Variants in ACTR3C observed in about 807,000 individuals in gnomAD.
The protein encoded by ACTR3C is actin related protein 3C, also known as actin-related protein 3C.
ACTR3C carries 18 observed loss-of-function variants against 26.3 expected under a neutral mutation model. The observed-to-expected ratio is 0.68, with a 90% CI of 0.47 to 1.01. The LOEUF (loss-of-function observed/expected upper bound fraction) is 1.01. Ranked by LOEUF, ACTR3C falls within the 50% of genes least tolerant of loss-of-function variation. The pLI, the probability that ACTR3C is intolerant of heterozygous loss-of-function variation, is 0.00. For synonymous variants in ACTR3C, 55 were observed against 94.5 expected (o/e 0.58, Z 2.42); for missense variants, 184 against 250.7 (o/e 0.73, Z 1.80).
the ACTR3C span, among the ~76,000 whole-genome samples, chr7:150,162,192 T>G: frequency 1.3e-5 from 2 of 152,352 alleles, no homozygotes; most frequent in African/African-American, 4.8e-5. Context: ...TGTTTCTGCA[T>G]TCCTGAAATG....
rs1206215825 is a variant in ACTR3C at position 150,295,129 on chromosome 7, G to A, written c.45+123C>T. The A allele has an allele frequency of 3.4e-6, 4 of 1,169,276 alleles. No individual in the cohort carries two copies. The Admixed American group carries it at 9.5e-5, about 28-fold the overall frequency. The allele number at this position is 1,169,276 out of a possible 1,614,324, so 72.4% of individuals were successfully genotyped here. On this transcript the variant is annotated intron_variant, in intron 2 of 7. Transcript: ENST00000683684. ...AGTCCTGAATGGCATGGGGACGGGG[G>A]AGGGAGTGGAAAAAGGAAGGGCACA...
At chr7:149,887,306 T>C in the ACTR3C span, among the ~76,000 whole-genome samples, 2 of 152,204 alleles carry the variant, frequency 1.3e-5, no homozygotes, top group African/African-American at 4.8e-5. Context: ...TAAAAGACTT[T>C]TGAGCATGAA....
At chr7:150,143,056 T>G in the ACTR3C span, among the ~76,000 whole-genome samples, 1 of 152,100 alleles carries the variant, frequency 6.6e-6, no homozygotes, top group African/African-American at 2.4e-5. Flanking sequence ...GGTCTCGAAC[T>G]CCTGTCCTCA....
the ACTR3C span, among the ~76,000 whole-genome samples, chr7:150,224,490 C>T: frequency 6.6e-6 from 1 of 152,146 alleles, no homozygotes; most frequent in African/African-American, 2.4e-5. Context: ...GATAGTTTCT[C>T]ACATGTATTC....
the ACTR3C span, among the ~76,000 whole-genome samples, chr7:150,048,697 T>A: frequency 1.0e-3 from 153 of 152,150 alleles, 3 homozygotes; most frequent in South Asian, 0.031. Context: ...CCAGCTCTTC[T>A]TGCCTAACTT....
the ACTR3C span, among the ~76,000 whole-genome samples, chr7:150,060,035 A>T: frequency 6.6e-6 from 1 of 152,236 alleles, no homozygotes; most frequent in Non-Finnish European, 1.5e-5. Flanking sequence ...TAACAAAATA[A>T]ATTATCCTTC....
the ACTR3C span, among the ~76,000 whole-genome samples, chr7:149,931,133 T>C: frequency 0.02 from 3,084 of 151,254 alleles, no homozygotes; most frequent in Non-Finnish European, 0.031. Flanking sequence ...CCCAAATTGC[T>C]GGGATTATAG....
chr7:150,189,543 T>C, the ACTR3C span, among the ~76,000 whole-genome samples: 1 of 136,900 alleles, frequency 7.3e-6, no homozygotes, highest in Non-Finnish European at 1.6e-5. Flanking sequence ...TGTGGTATCC[T>C]TTTGCAATCA....
the ACTR3C span, among the ~76,000 whole-genome samples, chr7:150,171,462 G>A: frequency 4.6e-5 from 7 of 150,946 alleles, no homozygotes; most frequent in South Asian, 4.1e-4. Context: ...ATCATACCAC[G>A]TTAATTTTGA....
intron 1 of ACTR3C, among the ~76,000 whole-genome samples, chr7:150,304,970 A>G (rs1795695562): frequency 1.3e-5 from 2 of 152,104 alleles, no homozygotes; most frequent in South Asian, 4.1e-4. Flanking sequence ...ATTGCTCAAT[A>G]CAATGTCTGC....
At chr7:150,032,169 G>C in the ACTR3C span, among the ~76,000 whole-genome samples, 3 of 152,230 alleles carry the variant, frequency 2.0e-5, no homozygotes, top group African/African-American at 7.2e-5. Flanking sequence ...TGAGGATGGT[G>C]TGTCATGATA....
At chr7:150,058,079 C>CTTCATTGTA in the ACTR3C span, among the ~76,000 whole-genome samples, 139 of 152,290 alleles carry the variant, frequency 9.1e-4, no homozygotes, top group East Asian at 0.019. Flanking sequence ...TATCATTTCC[C>CTTCATTGTA]TTCATTGTAT....
the ACTR3C span, among the ~76,000 whole-genome samples, chr7:150,230,118 G>A: frequency 7.0e-4 from 106 of 151,418 alleles, 1 homozygote; most frequent in South Asian, 1.5e-3. Flanking sequence ...TCAGCTACTC[G>A]GGAGGCTGAG....
chr7:150,311,264 C>G (rs1796299294), intron 1 of ACTR3C, among the ~76,000 whole-genome samples: 1 of 152,220 alleles, frequency 6.6e-6, no homozygotes, highest in Admixed American at 6.5e-5. Context: ...AAATACAAGG[C>G]TGTGCTGTTG....
At chr7:150,083,353 A>G in the ACTR3C span, among the ~76,000 whole-genome samples, 149 of 151,958 alleles carry the variant, frequency 9.8e-4, no homozygotes, top group Non-Finnish European at 1.3e-3. Context: ...ATCACTTAGA[A>G]CCCAGGAGTT....
At chr7:149,882,993 G>C in the ACTR3C span, among the ~76,000 whole-genome samples, 2 of 152,178 alleles carry the variant, frequency 1.3e-5, no homozygotes, top group African/African-American at 4.8e-5. Context: ...TGGCTCTCAG[G>C]CTCTTGAGAA....
chr7:149,920,826 T>G, the ACTR3C span, among the ~76,000 whole-genome samples: 2,417 of 150,998 alleles, frequency 0.016, 72 homozygotes, highest in African/African-American at 0.056. Flanking sequence ...AAGTGCAATG[T>G]CATGATCTTG....
the ACTR3C span, among the ~76,000 whole-genome samples, chr7:150,150,566 G>T: frequency 3.6e-5 from 5 of 139,244 alleles, 1 homozygote. Context: ...CCTCTACTGG[G>T]ATATGTTTGT....
chr7:149,979,888 G>A, the ACTR3C span, among the ~76,000 whole-genome samples: 1 of 148,510 alleles, frequency 6.7e-6, no homozygotes, highest in Non-Finnish European at 1.5e-5. Flanking sequence ...GGATCTTGGG[G>A]AGTCCTAGGG....
Sources: gnomAD v4.1 joint callset for allele counts (sites outside exome capture counted in the v4.1 genomes callset) on GRCh38, gnomAD v4.1.1 for gene constraint, MANE v1.5 for transcripts, NCBI Gene and HGNC (gene_info 2026-07-23, HGNC 2026-07-21) for gene names.